Variants in SPTBN4 observed in about 807,000 individuals in gnomAD.
SPTBN4 encodes spectrin beta, non-erythrocytic 4.
SPTBN4 carries 96 observed loss-of-function variants against 277.8 expected under a neutral mutation model. That is an observed-to-expected ratio of 0.35 (90% CI 0.29 to 0.41). The LOEUF (loss-of-function observed/expected upper bound fraction) is 0.41. Among genes scored for constraint, SPTBN4 ranks in the 10% least tolerant of loss-of-function variants. The pLI is 1.00. For missense variants in SPTBN4, 3,006 were observed against 3,595.7 expected (o/e 0.84, Z 4.19); for synonymous variants, 1,481 against 1,580.3 (o/e 0.94, Z 1.49).
At position 40,521,329 on chromosome 19, in the gene SPTBN4, C is replaced by T. The variant is rs148589418; in HGVS notation, c.3654+1178C>T. Reference sequence around the variant, plus strand: ...TTTTCAGGATGATTCAAGCGAATTACATTTATTGTGTGCTTTATTTCTATT... The same window carrying T: ...TTTTCAGGATGATTCAAGCGAATTATATTTATTGTGTGCTTTATTTCTATT... On this transcript the variant is annotated intron_variant, in intron 16 of 35. Coordinates refer to ENST00000598249, the MANE Select transcript of SPTBN4 (RefSeq NM_020971.3). Among the ~76,000 whole-genome samples, 426 of 152,262 alleles carry T rather than the reference C, an allele frequency of 2.8e-3. 3 individuals carry two copies. The highest frequency in any genetic ancestry group is 9.5e-3 in the African/African-American group (395 of 41,538).
chr19:40,561,194 G>A (rs2081039047), intron 27 of SPTBN4, among the ~76,000 whole-genome samples: 1 of 152,104 alleles, frequency 6.6e-6, no homozygotes, highest in Admixed American at 6.6e-5. Context: ...TGTATTTTTA[G>A]TAGAGAAAGG....
chr19:40,520,114 G>C lies in SPTBN4; in HGVS notation c.3617G>C (p.Arg1206Pro). 1.4e-6 allele frequency: 2 copies of C among 1,468,460 alleles called. No individual in the cohort carries two copies. The highest frequency in any genetic ancestry group is 2.9e-5 in the South Asian group (2 of 69,686). The allele number at this position is 1,468,460 out of a possible 1,614,324, so 91.0% of individuals were successfully genotyped here. The change falls in exon 16 of 36, where the codon CGG becomes CCG. Residue 1206 changes from arginine to proline, a missense_variant. Coordinates refer to ENST00000598249, the MANE Select transcript of SPTBN4 (RefSeq NM_020971.3). ...GCGCACATCTACCAGCTCTTCCTGCGGGATCTACGCCAGGCGCTCGTGGTG... is the reference window on the plus strand; with the variant it reads ...GCGCACATCTACCAGCTCTTCCTGCCGGATCTACGCCAGGCGCTCGTGGTG... ...VQAHIYQLFL[R>P]DLRQALVVLR... is the part of the protein sequence containing the mutation.
intron 1 of SPTBN4, among the ~76,000 whole-genome samples, chr19:40,469,986 T>A (rs148452695): frequency 6.6e-5 from 10 of 151,248 alleles, no homozygotes; most frequent in Non-Finnish European, 7.4e-5. Flanking sequence ...TCTATTTTTT[T>A]ATTTTCATTT....
chr19:40,519,572 C>A lies in SPTBN4; in HGVS notation c.3075C>A (p.Ser1025Arg), dbSNP rs1351700648. The A allele has an allele frequency of 1.3e-6, 2 of 1,538,398 alleles. No homozygotes were observed. The highest frequency in any genetic ancestry group is 2.6e-5 in the East Asian group (1 of 38,720). Residue 1025 changes from serine (S) to arginine (R), a missense_variant, in exon 16 of 36, where the codon AGC becomes AGA. Transcript: ENST00000598249. The surrounding 1 kb of genome is among the most constrained non-coding windows in gnomAD (Gnocchi z 5.7). ...GCGGCGCCCTGCAGTGGCGTCTTAG[C>A]GGCCTAGAGGCCGCTCTGCAGGCGC... ...RAGGALQWRLSGLEAALQALE... is the reference protein window; with the variant it reads ...RAGGALQWRLRGLEAALQALE...
At chr19:40,493,673 C>T (rs528204115) in intron 5 of SPTBN4, among the ~76,000 whole-genome samples, 7 of 151,926 alleles carry the variant, frequency 4.6e-5, no homozygotes, top group Non-Finnish European at 7.4e-5. Flanking sequence ...CAGTGAGCTA[C>T]GATCATGCCA....
At position 40,490,270 on chromosome 19, in the gene SPTBN4, C is replaced by T. The variant is rs1425179163; in HGVS notation, c.495+22C>T. On this transcript the variant is annotated intron_variant, in intron 4 of 35. Transcript: ENST00000598249. The surrounding 1 kb of genome is among the most constrained non-coding windows in gnomAD (Gnocchi z 4.3). Reference sequence around the variant, plus strand: ...CCAGGTGACCCTCGAGTGGCCCCTGCCAAGCCCCGCAACATGGGACTTAGG... The same window carrying T: ...CCAGGTGACCCTCGAGTGGCCCCTGTCAAGCCCCGCAACATGGGACTTAGG... 1 of 1,606,334 alleles carries T rather than the reference C, an allele frequency of 6.2e-7. No homozygotes were observed. Among genetic ancestry groups the T allele is most frequent in the Non-Finnish European group, 8.5e-7 (1 of 1,175,478 alleles).
chr19:40,543,965 T>A (rs2080827984), intron 20 of SPTBN4, among the ~76,000 whole-genome samples: 1 of 152,216 alleles, frequency 6.6e-6, no homozygotes, highest in South Asian at 2.1e-4. Context: ...GGGAAAATTA[T>A]CGCCTTCATC....
chr19:40,495,296 G>T (rs981508941), intron 6 of SPTBN4, among the ~76,000 whole-genome samples: 1 of 151,984 alleles, frequency 6.6e-6, no homozygotes, highest in African/African-American at 2.4e-5. Context: ...TAGGAAGCTC[G>T]CTCCCCTGTC....
At position 40,520,005 on chromosome 19, in the gene SPTBN4, C is replaced by G; in HGVS notation, c.3508C>G (p.Leu1170Val). 2 of 1,562,254 alleles carry G rather than the reference C, an allele frequency of 1.3e-6. No homozygotes were observed. Among genetic ancestry groups the G allele is most frequent in the Non-Finnish European group, 1.7e-6 (2 of 1,158,736 alleles). The part of the protein sequence containing the change: ...DGAELGPGLA[L>V]DEWLPHLELG... ...CGCAGAGCTGGGCCCGGGCCTGGCA[C>G]TAGACGAGTGGCTGCCACACCTCGA... The change falls in exon 16 of 36, where the codon CTA (leucine) becomes GTA (valine). Residue 1170 changes from leucine to valine, a missense_variant. Coordinates refer to ENST00000598249, the MANE Select transcript of SPTBN4 (RefSeq NM_020971.3).
At chr19:40,548,672 G>A (rs562662081) in intron 20 of SPTBN4, among the ~76,000 whole-genome samples, 98 of 149,990 alleles carry the variant, frequency 6.5e-4, no homozygotes, top group African/African-American at 1.3e-3. Flanking sequence ...CCAAGATTAC[G>A]CCATTGCACT....
At position 40,554,139 on chromosome 19, in the gene SPTBN4, G is replaced by A. The variant is rs2080948491; in HGVS notation, c.4675-8G>A. On this transcript the variant is annotated splice_region_variant and splice_polypyrimidine_tract_variant and intron_variant, in intron 22 of 35. Coordinates refer to ENST00000598249, the MANE Select transcript of SPTBN4 (RefSeq NM_020971.3). This position sits in a 1 kb window ranked among gnomAD's most constrained non-coding sequence, Gnocchi z 5.7. ...CTCCACCCACATCCCCTTACCTCCT[G>A]CCCCCAGGGCCTGCGGCGGGAGATC... 1 of 1,437,556 alleles carries A rather than the reference G, an allele frequency of 7.0e-7. No individual in the cohort carries two copies. The highest frequency in any genetic ancestry group is 1.5e-5 in the South Asian group (1 of 66,036). The allele number at this position is 1,437,556 out of a possible 1,614,324, so 89.1% of individuals were successfully genotyped here.
intron 2 of SPTBN4, among the ~76,000 whole-genome samples, chr19:40,482,649 G>A (rs1276892471): frequency 6.6e-6 from 1 of 152,126 alleles, no homozygotes; most frequent in Non-Finnish European, 1.5e-5. Context: ...TTTATAAAAC[G>A]CAGTCGGGGT....
chr19:40,486,704 CA>C (rs2080076085), intron 2 of SPTBN4, among the ~76,000 whole-genome samples: 1 of 151,248 alleles, frequency 6.6e-6, no homozygotes, highest in South Asian at 2.1e-4. Flanking sequence ...AACAGTTTGA[CA>C]GTTCCTTAAG....
rs370811500 is a variant in SPTBN4, at chr19:40,497,443, G to C, written c.669-46G>C. On this transcript the variant is annotated intron_variant, in intron 6 of 35. Coordinates refer to ENST00000598249, the MANE Select transcript of SPTBN4 (RefSeq NM_020971.3). Reference sequence around the variant, plus strand: ...TGGCTTCTTCCCTGCTTGCCCGCCGGCTCTGGAGCCTGCCTGCTGCCTGCC... The same window carrying C: ...TGGCTTCTTCCCTGCTTGCCCGCCGCCTCTGGAGCCTGCCTGCTGCCTGCC... 6.1e-6 allele frequency: 9 copies of C among 1,473,494 alleles called. No homozygotes were observed. In the African/African-American group the frequency reaches 1.2e-4, roughly 20 times the overall value. The allele number at this position is 1,473,494 out of a possible 1,614,324, so 91.3% of individuals were successfully genotyped here. A position where few individuals can be genotyped will look rare whatever the true frequency, so the allele number is the denominator to read the frequency against.
chr19:40,531,479 T>TTG, intron 18 of SPTBN4, among the ~76,000 whole-genome samples: 1 of 117,810 alleles, frequency 8.5e-6, no homozygotes, highest in Non-Finnish European at 1.7e-5. Context: ...TTTTTTTTTT[T>TTG]TTTTTTTTTT....
At chr19:40,474,878 G>A (rs1189256323) in intron 2 of SPTBN4, among the ~76,000 whole-genome samples, 1 of 152,034 alleles carries the variant, frequency 6.6e-6, no homozygotes, top group Non-Finnish European at 1.5e-5. Flanking sequence ...AGTGACAAGA[G>A]CTTAACTCCG....
rs2080494317 is a variant in SPTBN4, at chr19:40,519,246, A to AG, written c.2904-152dup. ...GCTGCCCTAAGCAAAAGTGCTGCGT[A>AG]GGGTTCCATTTTACACCGGCAGAAA... On this transcript the variant is annotated intron_variant, in intron 15 of 35. Coordinates refer to ENST00000598249, the MANE Select transcript of SPTBN4 (RefSeq NM_020971.3). The surrounding 1 kb of genome is among the most constrained non-coding windows in gnomAD (Gnocchi z 5.7). Among the ~76,000 whole-genome samples, 2 of 152,250 alleles carry AG rather than the reference A, an allele frequency of 1.3e-5. No individual in the cohort carries two copies. Among genetic ancestry groups the AG allele is most frequent in the South Asian group, 4.1e-4 (2 of 4,838 alleles).
chr19:40,518,440 T>G (rs2080484753), intron 15 of SPTBN4, among the ~76,000 whole-genome samples: 1 of 152,094 alleles, frequency 6.6e-6, no homozygotes, highest in African/African-American at 2.4e-5. Flanking sequence ...TTTTTATTTA[T>G]TTATTTTGAG....
rs759115779 is a variant in SPTBN4 at position 40,554,365 on chromosome 19, T to A, written c.4893T>A (p.Ala1631=). Residue 1631 remains alanine, a synonymous_variant, in exon 23 of 36, where the codon GCT becomes GCA. Coordinates refer to ENST00000598249, the MANE Select transcript of SPTBN4 (RefSeq NM_020971.3). The surrounding 1 kb of genome is among the most constrained non-coding windows in gnomAD (Gnocchi z 5.7). ...TGGAGCAGTACTACTTCGACGTGGC[T>A]GAGGTGGAGGCGTGGCTGGGCGAGC... is the stretch of plus-strand genomic sequence containing the variant. ...FQVEQYYFDV[A]EVEAWLGEQE... is the part of the protein sequence containing the mutation. 6.3e-7 allele frequency: 1 copy of A among 1,586,398 alleles called. No individual in the cohort carries two copies. Among genetic ancestry groups the A allele is most frequent in the Admixed American group, 1.7e-5 (1 of 57,424 alleles).
Sources: gnomAD v4.1 joint callset for allele counts (sites outside exome capture counted in the v4.1 genomes callset) on GRCh38, gnomAD v4.1.1 for gene constraint, Gnocchi (gnomAD v3.1) non-coding constraint, MANE v1.5 for transcripts, NCBI Gene and HGNC (gene_info 2026-07-23, HGNC 2026-07-21) for gene names.